Variants in GLP1R observed in about 807,000 individuals in gnomAD.
GLP1R encodes glucagon-like peptide 1 receptor.
In GLP1R, 32 loss-of-function variants were observed where a neutral mutation model predicts 68.4. That is an observed-to-expected ratio of 0.47 (90% CI 0.35 to 0.63). The LOEUF (loss-of-function observed/expected upper bound fraction) is 0.63, where lower values mean the gene tolerates loss of function less well. GLP1R is among the 20% of genes least tolerant of loss of function. The pLI is 0.00. For synonymous variants in GLP1R, 263 were observed against 244.4 expected, an observed-to-expected ratio of 1.08 and a Z score of -0.71; for missense variants, 502 against 594.9, an observed-to-expected ratio of 0.84 and a Z score of 1.62.
In GLP1R at chr6:39,057,467, C is replaced by A. The variant is rs2150822037; in HGVS notation, c.176-5C>A. 2 of 1,598,484 alleles carry A rather than the reference C, an allele frequency of 1.3e-6. No homozygotes were observed. On this transcript the variant is annotated splice_region_variant and splice_polypyrimidine_tract_variant and intron_variant, in intron 2 of 12. Coordinates refer to ENST00000373256, the MANE Select transcript of GLP1R (RefSeq NM_002062.5). ...GGACTCAGAGACTGTTCTTTCTGCT[C>A]CCAGACTTGTTCTGCAACCGGACCT... is the stretch of plus-strand genomic sequence containing the variant.
rs1343256236 is a variant in GLP1R at position 39,080,710 on chromosome 6, G to T, written c.1195G>T (p.Ala399Ser). 2 of 1,597,862 alleles carry T rather than the reference G, an allele frequency of 1.3e-6. No individual in the cohort carries two copies. The highest frequency in any genetic ancestry group is 8.5e-7 in the Non-Finnish European group (1 of 1,171,114). The stretch of plus-strand genomic sequence containing the variant: ...CTCTTGTTTCCAGGGGCTGATGGTG[G>T]CCATATTATACTGCTTTGTCAACAA... The part of the protein sequence containing the change: ...SFTSFQGLMV[A>S]ILYCFVNNEV... Residue 399 changes from alanine to serine, a missense_variant, in exon 12 of 13, where the codon GCC becomes TCC. Physicochemically the swap from Ala to Ser is moderately conservative, Grantham distance 99. Transcript: ENST00000373256.
intron 6 of GLP1R, 109 bp downstream of exon 6, chr6:39,073,124 C>A: frequency 9.3e-7 from 1 of 1,071,056 alleles, no homozygotes; most frequent in Non-Finnish European, 1.3e-6. Flanking sequence ...CCGAACAGTC[C>A]TGGCCCTTCG....
intron 7 of GLP1R, among the ~76,000 whole-genome samples, chr6:39,074,628 C>A (rs968553538): frequency 6.6e-6 from 1 of 152,072 alleles, no homozygotes; most frequent in East Asian, 1.9e-4. Context: ...TTCCTTCATG[C>A]GCCCACCTCA....
rs1554173034 is a variant in GLP1R at position 39,086,196 on chromosome 6, CACACACACAT to C, written c.*127_*136del. On this transcript the variant is annotated 3_prime_UTR_variant, in exon 13 of 13. Coordinates refer to ENST00000373256, the MANE Select transcript of GLP1R (RefSeq NM_002062.5). The surrounding 1 kb of genome is among the most constrained non-coding windows in gnomAD (Gnocchi z 4.5). ...ACACACACACACACACACACACACA[CACACACACAT>C]ACATCCTGCTTTCCCTCCCCAAACC... 45,422 of 682,530 alleles carry C rather than the reference CACACACACAT, an allele frequency of 0.067. 872 individuals are homozygous for C. Among genetic ancestry groups the C allele is most frequent in the East Asian group, 0.22 (6,377 of 29,526 alleles). 42.3% of individuals were successfully genotyped at this position (682,530 alleles called of 1,614,324 possible).
intron 7 of GLP1R, among the ~76,000 whole-genome samples, chr6:39,075,752 GT>G (rs1768801061): frequency 6.6e-6 from 1 of 152,244 alleles, no homozygotes; most frequent in Non-Finnish European, 1.5e-5. Flanking sequence ...TCATGTGCAA[GT>G]GGAAGAATTA....
intron 3 of GLP1R, among the ~76,000 whole-genome samples, chr6:39,065,141 C>T (rs1768468600): frequency 6.6e-6 from 1 of 152,156 alleles, no homozygotes; most frequent in African/African-American, 2.4e-5. Context: ...TTCTTATGGG[C>T]AGGGCTGTGT....
In GLP1R at chr6:39,078,938, C is replaced by T. The variant is rs200291286; in HGVS notation, c.885-19C>T. On this transcript the variant is annotated intron_variant, in intron 8 of 12. Coordinates refer to ENST00000373256, the MANE Select transcript of GLP1R (RefSeq NM_002062.5). ...GTGAGTCCTGCTGGATGCATGTGTG[C>T]ATCTCTCTCCCTCCCCAGCTGCTGG... 3.1e-4 allele frequency: 497 copies of T among 1,607,438 alleles called. 1 individual carries two copies. The highest frequency in any genetic ancestry group is 4.1e-4 in the Non-Finnish European group (484 of 1,174,150).
intron 3 of GLP1R, among the ~76,000 whole-genome samples, chr6:39,063,320 C>T (rs986377753): frequency 1.3e-5 from 2 of 152,168 alleles, no homozygotes; most frequent in African/African-American, 2.4e-5. Flanking sequence ...TCTCAGGCAT[C>T]CATGCAGCAG....
chr6:39,084,569 C>A (rs972419799), intron 12 of GLP1R, among the ~76,000 whole-genome samples: 1 of 152,170 alleles, frequency 6.6e-6, no homozygotes, highest in African/African-American at 2.4e-5. Context: ...GACTCAGGGC[C>A]CCCATCCCAG....
At chr6:39,065,992 T>G (rs1351110550) in intron 4 of GLP1R, among the ~76,000 whole-genome samples, 163 bp downstream of exon 4, 1 of 152,158 alleles carries the variant, frequency 6.6e-6, no homozygotes, top group Non-Finnish European at 1.5e-5. Flanking sequence ...AAAGGTGGTG[T>G]GTATTCACCT....
At chr6:39,058,185 G>A (rs970612445) in intron 3 of GLP1R, among the ~76,000 whole-genome samples, 4 of 152,212 alleles carry the variant, frequency 2.6e-5, no homozygotes, top group Non-Finnish European at 4.4e-5. Flanking sequence ...AGAGCTGGGT[G>A]GGGACAGACT....
intron 1 of GLP1R, among the ~76,000 whole-genome samples, chr6:39,051,896 G>T (rs5875652): frequency 0.48 from 63,341 of 131,606 alleles, 14,465 homozygotes; most frequent in East Asian, 0.63. Flanking sequence ...TGTGTGTGTG[G>T]GGGGGGGGGC....
intron 12 of GLP1R, among the ~76,000 whole-genome samples, chr6:39,082,446 G>A (rs1245649182): frequency 6.6e-6 from 1 of 152,130 alleles, no homozygotes; most frequent in Non-Finnish European, 1.5e-5. Flanking sequence ...GGGAGGTGAA[G>A]GCAGCGCCAG....
At chr6:39,077,251 G>C (rs1232870892) in intron 7 of GLP1R, among the ~76,000 whole-genome samples, 1 of 152,172 alleles carries the variant, frequency 6.6e-6, no homozygotes, top group Non-Finnish European at 1.5e-5. Flanking sequence ...CCCACCCCCT[G>C]CTGTCCCTTC....
Position 39,080,651 on chromosome 6 carries a change from G to A in GLP1R, c.1183-47G>A, listed in dbSNP as rs564951454. The A allele has an allele frequency of 2.6e-5, 36 of 1,396,534 alleles. 1 individual carries two copies. In the South Asian group the frequency reaches 4.2e-4, roughly 16 times the overall value. The allele number at this position is 1,396,534 out of a possible 1,614,324, so 86.5% of individuals were successfully genotyped here. A position where few individuals can be genotyped will look rare whatever the true frequency, so the allele number is the denominator to read the frequency against. On this transcript the variant is annotated intron_variant, in intron 11 of 12. Transcript: ENST00000373256. ...CTTCCGACCAGGGCCAGTCTGCAGG[G>A]CACCTCCCTCCTGCTTCCTCCCTCT... is the stretch of plus-strand genomic sequence containing the variant.
intron 2 of GLP1R, 53 bp from the exon 3 acceptor site, chr6:39,057,419 G>A: frequency 1.7e-6 from 2 of 1,167,314 alleles, no homozygotes; most frequent in Non-Finnish European, 2.6e-6. Flanking sequence ...GGGAGGGAAA[G>A]GGCCATGGCC....
rs116521359 is a variant in GLP1R at position 39,068,417 on chromosome 6, G to C, written c.509+2114G>C. On this transcript the variant is annotated intron_variant, in intron 5 of 12. Coordinates refer to ENST00000373256, the MANE Select transcript of GLP1R (RefSeq NM_002062.5). ...GGAGAATCTTGCCCCCCATGACTCT[G>C]CTAGTCATTGCCCTAGTCAGGACTC... is the stretch of plus-strand genomic sequence containing the variant. Among the ~76,000 whole-genome samples, 1,356 of 152,234 alleles carry C rather than the reference G, an allele frequency of 8.9e-3. 27 individuals are homozygous for C. Among genetic ancestry groups the C allele is most frequent in the African/African-American group, 0.03 (1,264 of 41,538 alleles).
In GLP1R at chr6:39,071,653, A is replaced by G. The variant is rs925333284; in HGVS notation, c.510-1209A>G. Among the ~76,000 whole-genome samples, 8 of 152,142 alleles carry G rather than the reference A, an allele frequency of 5.3e-5. No individual in the cohort carries two copies. In the East Asian group the frequency reaches 7.7e-4, roughly 15 times the overall value. On this transcript the variant is annotated intron_variant, in intron 5 of 12. Transcript: ENST00000373256. ...GTATGGGTTGGTTTCAGTCACCTAC[A>G]GTTTTTTTCTGTTTATCTTTCCCTG...
chr6:39,065,651 AGCACTGG>A, intron 3 of GLP1R, 53 bp from the exon 4 acceptor site: 1 of 1,033,232 alleles, frequency 9.7e-7, no homozygotes, highest in African/African-American at 1.6e-5. Context: ...GGGAGCATCT[AGCACTGG>A]GCAGGCTGCC....
Sources: gnomAD v4.1 joint callset for allele counts (sites outside exome capture counted in the v4.1 genomes callset) on GRCh38, gnomAD v4.1.1 for gene constraint, Gnocchi (gnomAD v3.1) non-coding constraint, MANE v1.5 for transcripts, NCBI Gene and HGNC (gene_info 2026-07-23, HGNC 2026-07-21) for gene names.